Variants in PFKFB3 observed in about 807,000 individuals in gnomAD.
The protein encoded by PFKFB3 is 6-phosphofructo-2-kinase/fructose-2,6-bisphosphatase 3.
In PFKFB3, 33 loss-of-function variants were observed where a neutral mutation model predicts 68.0. That is an observed-to-expected ratio of 0.49 (90% confidence interval 0.37 to 0.65). The LOEUF is 0.65. PFKFB3 is among the 30% of genes least tolerant of loss of function. The pLI is 0.00. For synonymous variants in PFKFB3, 315 were observed against 288.2 expected (o/e 1.09, Z -0.94); for missense variants, 586 against 712.2 (o/e 0.82, Z 2.02).
chr10:6,196,949 A>T (rs1384577487), intron 1 of PFKFB3, among the ~76,000 whole-genome samples: 1 of 151,598 alleles, frequency 6.6e-6, no homozygotes. Flanking sequence ...GGCTTGTTTT[A>T]ATCTTTTATA....
intron 1 of PFKFB3, among the ~76,000 whole-genome samples, chr10:6,163,599 C>A (rs1312191909): frequency 6.6e-6 from 1 of 152,122 alleles, no homozygotes; most frequent in Non-Finnish European, 1.5e-5. Context: ...CTCCATTGCA[C>A]CCCGCGCCTG....
intron 14 of PFKFB3, among the ~76,000 whole-genome samples, chr10:6,245,311 G>A (rs1207518958): frequency 1.3e-5 from 2 of 152,016 alleles, no homozygotes; most frequent in Non-Finnish European, 2.9e-5. Context: ...TGGCCAGACT[G>A]GTCTCGAACT....
chr10:6,227,355 C>G (rs1202647299), intron 14 of PFKFB3, among the ~76,000 whole-genome samples: 2 of 152,318 alleles, frequency 1.3e-5, no homozygotes, highest in East Asian at 3.9e-4. Context: ...AGTGCAGCTT[C>G]CGGTCAGGTT....
the PFKFB3 span, among the ~76,000 whole-genome samples, chr10:6,268,996 C>T: frequency 1.4e-5 from 2 of 138,380 alleles, no homozygotes; most frequent in South Asian, 4.5e-4. Flanking sequence ...GCACTCCAGC[C>T]TGGGAGACAA....
the PFKFB3 span, among the ~76,000 whole-genome samples, chr10:6,296,409 C>G: frequency 2.6e-5 from 4 of 152,076 alleles, no homozygotes; most frequent in African/African-American, 9.7e-5. Context: ...GTTCTTGGAT[C>G]TCACTCAAGA....
chr10:6,148,211 C>A (rs770498696), intron 1 of PFKFB3, among the ~76,000 whole-genome samples: 10 of 152,176 alleles, frequency 6.6e-5, no homozygotes, highest in Non-Finnish European at 1.5e-5. Context: ...AGTAGGAAGC[C>A]CCACCTGAGG....
rs372416555 is a variant in PFKFB3, at chr10:6,206,611, T to C, written c.76+3275T>C. Among the ~76,000 whole-genome samples the C allele has an allele frequency of 5.2e-3, 746 of 144,712 alleles. 6 individuals carry two copies. The highest frequency in any genetic ancestry group is 0.015 in the African/African-American group (565 of 37,380). 94.9% of individuals were successfully genotyped at this position (144,712 alleles called of 152,430 possible). A position where few individuals can be genotyped will look rare whatever the true frequency, so the allele number is the denominator to read the frequency against. Reference sequence around the variant, plus strand: ...CCCCCCACCTCCCTCCCGGACGGGGTGGCTGCCGGGCGGAGACGCTCCTCA... The same window carrying C: ...CCCCCCACCTCCCTCCCGGACGGGGCGGCTGCCGGGCGGAGACGCTCCTCA... On this transcript the variant is annotated intron_variant, in intron 1 of 14. Transcript: ENST00000379775.
At chr10:6,198,289 G>A (rs1843229752), upstream of PFKFB3, among the ~76,000 whole-genome samples, 1 of 151,650 alleles carries the variant, frequency 6.6e-6, no homozygotes, top group African/African-American at 2.4e-5. Flanking sequence ...AAAAGGAAAT[G>A]CCCACAGGAG....
At chr10:6,157,290 G>A (rs57715166) in intron 1 of PFKFB3, among the ~76,000 whole-genome samples, 3 of 150,030 alleles carry the variant, frequency 2.0e-5, no homozygotes, top group Admixed American at 6.6e-5. Flanking sequence ...GCAGTGGCGC[G>A]ATCTCGGCTC....
At chr10:6,192,349 T>G (rs1321871288) in intron 1 of PFKFB3, among the ~76,000 whole-genome samples, 1 of 144,508 alleles carries the variant, frequency 6.9e-6, no homozygotes, top group African/African-American at 2.5e-5. Context: ...AACCTGCCCG[T>G]TTTTTTTTTC....
At chr10:6,253,768 A>G (rs1846433911) in intron 14 of PFKFB3, among the ~76,000 whole-genome samples, 2 of 152,174 alleles carry the variant, frequency 1.3e-5, no homozygotes, top group Non-Finnish European at 2.9e-5. Context: ...CTGGCTGGGC[A>G]CGGTGGCTCA....
chr10:6,177,377 T>TTTC (rs1469479599), intron 1 of PFKFB3, among the ~76,000 whole-genome samples: 1 of 109,976 alleles, frequency 9.1e-6, no homozygotes, highest in African/African-American at 2.9e-5. Context: ...TCTTTCTTTC[T>TTTC]TTCTTTCTTT....
the PFKFB3 span, among the ~76,000 whole-genome samples, chr10:6,262,757 G>A: frequency 5.3e-5 from 8 of 152,180 alleles, no homozygotes; most frequent in Admixed American, 2.6e-4. Flanking sequence ...TCAGAAATGG[G>A]TACTGCCTCA....
intron 14 of PFKFB3, chr10:6,231,264 C>G (rs758115503): frequency 6.2e-7 from 1 of 1,604,970 alleles, no homozygotes; most frequent in South Asian, 1.1e-5. Flanking sequence ...GCTTGAAAGA[C>G]GAACTGTCTG....
chr10:6,197,281 A>G (rs188277622), intron 1 of PFKFB3, among the ~76,000 whole-genome samples: 3 of 152,298 alleles, frequency 2.0e-5, no homozygotes, highest in Admixed American at 2.0e-4. Flanking sequence ...CTGGCCTTAC[A>G]GTACATTTTC....
chr10:6,155,397 G>T (rs573855356), intron 1 of PFKFB3, among the ~76,000 whole-genome samples: 15 of 151,922 alleles, frequency 9.9e-5, no homozygotes, highest in African/African-American at 3.6e-4. Flanking sequence ...ATAGAGACGG[G>T]GTTTCACCAT....
chr10:6,226,476 TG>T (rs1845365881), intron 14 of PFKFB3, 111 bp downstream of exon 14: 1 of 989,208 alleles, frequency 1.0e-6, no homozygotes, highest in Admixed American at 2.6e-5. Context: ...TGGGTGCGTG[TG>T]GGTGCGCGTG....
chr10:6,171,302 G>T (rs189961326), intron 1 of PFKFB3, among the ~76,000 whole-genome samples: 1 of 152,116 alleles, frequency 6.6e-6, no homozygotes, highest in African/African-American at 2.4e-5. Context: ...TGATCCACCC[G>T]CCTCAGCCTC....
the PFKFB3 span, among the ~76,000 whole-genome samples, chr10:6,262,469 A>AAT: frequency 6.6e-5 from 8 of 121,728 alleles, no homozygotes; most frequent in African/African-American, 2.1e-4. Flanking sequence ...AAAAAAAAAA[A>AAT]AAAAAAAAAA....
Sources: gnomAD v4.1 joint callset for allele counts (sites outside exome capture counted in the v4.1 genomes callset) on GRCh38, gnomAD v4.1.1 for gene constraint, MANE v1.5 for transcripts, NCBI Gene and HGNC (gene_info 2026-07-23, HGNC 2026-07-21) for gene names.